CDH13: variants seen among roughly 807,000 people sequenced by gnomAD.
CDH13 encodes the protein cadherin-13.
CDH13 carries 24 observed loss-of-function variants against 63.8 expected under a neutral mutation model. That is an observed-to-expected ratio of 0.38 (90% CI 0.27 to 0.53). The LOEUF (loss-of-function observed/expected upper bound fraction) is 0.53, where lower values mean the gene tolerates loss of function less well. CDH13 is among the 20% of genes least tolerant of loss of function. CDH13 has a pLI of 0.85. For missense variants in CDH13, 1,049 were observed against 903.1 expected, an observed-to-expected ratio of 1.16 and a Z score of -2.07; for synonymous variants, 503 against 355.3, an observed-to-expected ratio of 1.42 and a Z score of -4.67.
intron 3 of CDH13, among the ~76,000 whole-genome samples, chr16:83,044,746 C>T (rs1917623516): frequency 6.6e-6 from 1 of 152,128 alleles, no homozygotes; most frequent in Non-Finnish European, 1.5e-5. Context: ...GGTCTTAGGT[C>T]GCGGTCGTGG....
chr16:83,575,915 A>G (rs938253764), intron 7 of CDH13, among the ~76,000 whole-genome samples: 1 of 152,184 alleles, frequency 6.6e-6, no homozygotes, highest in East Asian at 1.9e-4. Context: ...TCTTTATTGT[A>G]TTTTTTTAAT....
intron 2 of CDH13, among the ~76,000 whole-genome samples, chr16:82,881,989 A>G (rs2040719577): frequency 6.6e-6 from 1 of 152,166 alleles, no homozygotes; most frequent in Non-Finnish European, 1.5e-5. Context: ...CAAGTTCCCC[A>G]TTATTAACTT....
chr16:83,233,255 T>C (rs757428295), intron 5 of CDH13, among the ~76,000 whole-genome samples: 13 of 152,246 alleles, frequency 8.5e-5, no homozygotes, highest in Non-Finnish European at 1.6e-4. Context: ...GAGTCTGTTT[T>C]GCCCACAGGC....
In CDH13 at chr16:83,715,813, C is replaced by G. The variant is rs117608748; in HGVS notation, c.1539-32295C>G. ...CGGGGATGGTCAACCTTGACAACAG[C>G]GTGTGACAAGGGTGGAGTCATAGCA... is the stretch of plus-strand genomic sequence containing the variant. On this transcript the variant is annotated intron_variant, in intron 10 of 13. Transcript: ENST00000567109. Among the ~76,000 whole-genome samples the G allele has an allele frequency of 5.5e-3, 843 of 152,118 alleles. 7 individuals carry two copies. Among genetic ancestry groups the G allele is most frequent in the East Asian group, 0.045 (230 of 5,156 alleles).
At chr16:82,695,162 C>G (rs1179350054) in intron 1 of CDH13, among the ~76,000 whole-genome samples, 2 of 151,950 alleles carry the variant, frequency 1.3e-5, no homozygotes, top group Non-Finnish European at 2.9e-5. Flanking sequence ...GAGTCCAGAC[C>G]CTGGGGGCCT....
chr16:83,273,284 T>C (rs1232138048), intron 5 of CDH13, among the ~76,000 whole-genome samples: 1 of 152,148 alleles, frequency 6.6e-6, no homozygotes, highest in African/African-American at 2.4e-5. Context: ...GTCATCCACG[T>C]ACTAAGCATA....
At chr16:82,735,494 T>C (rs2033627412) in intron 1 of CDH13, among the ~76,000 whole-genome samples, 1 of 152,232 alleles carries the variant, frequency 6.6e-6, no homozygotes, top group Non-Finnish European at 1.5e-5. Context: ...GGATTTGAGA[T>C]TCTGCTAAAG....
intron 2 of CDH13, among the ~76,000 whole-genome samples, chr16:82,987,181 A>G (rs1457004007): frequency 3.3e-5 from 5 of 152,200 alleles, no homozygotes; most frequent in East Asian, 1.9e-4. Context: ...GTGGTCTTCA[A>G]TATTCTCATG....
At chr16:83,238,481 C>G (rs1472199388) in intron 5 of CDH13, among the ~76,000 whole-genome samples, 2 of 152,194 alleles carry the variant, frequency 1.3e-5, no homozygotes, top group Non-Finnish European at 2.9e-5. Flanking sequence ...GATTGTGGAG[C>G]TACAATTCAA....
chr16:82,778,237 A>G (rs1469764971), intron 1 of CDH13, among the ~76,000 whole-genome samples: 1 of 152,156 alleles, frequency 6.6e-6, no homozygotes, highest in Non-Finnish European at 1.5e-5. Flanking sequence ...ATATTCATGC[A>G]TGCTCTGGTA....
chr16:83,633,014 A>G (rs1910920123), intron 8 of CDH13, among the ~76,000 whole-genome samples: 1 of 152,078 alleles, frequency 6.6e-6, no homozygotes, highest in Admixed American at 6.6e-5. Flanking sequence ...TGACATGCTA[A>G]TGTATTATAA....
intron 7 of CDH13, among the ~76,000 whole-genome samples, chr16:83,518,561 C>T (rs1329824873): frequency 1.3e-5 from 2 of 151,562 alleles, no homozygotes; most frequent in Admixed American, 1.3e-4. Context: ...CAAGCTCCGC[C>T]TCCCGGGTTC....
intron 8 of CDH13, among the ~76,000 whole-genome samples, chr16:83,621,484 T>TTC: frequency 8.6e-6 from 1 of 116,604 alleles, no homozygotes; most frequent in African/African-American, 3.2e-5. Flanking sequence ...CCTTTTTTTT[T>TTC]TTTTTTTTTT....
chr16:83,220,692 C>T (rs867487358), intron 5 of CDH13, among the ~76,000 whole-genome samples: 4 of 149,972 alleles, frequency 2.7e-5, no homozygotes, highest in African/African-American at 9.8e-5. Context: ...AAGGAGAGAG[C>T]CTGCAGGTGA....
intron 8 of CDH13, among the ~76,000 whole-genome samples, chr16:83,656,084 C>T (rs1388149230): frequency 2.6e-5 from 4 of 152,180 alleles, no homozygotes; most frequent in African/African-American, 7.2e-5. Context: ...TGGTCATTCT[C>T]CATTCCCACC....
chr16:83,011,327 A>T (rs72794172), intron 2 of CDH13, among the ~76,000 whole-genome samples: 24,879 of 152,192 alleles, frequency 0.16, 2,323 homozygotes, highest in East Asian at 0.26. Context: ...GTCTTAGCAC[A>T]CTGTTCAGCT....
At chr16:82,784,982 G>A (rs1293942121) in intron 1 of CDH13, among the ~76,000 whole-genome samples, 1 of 152,120 alleles carries the variant, frequency 6.6e-6, no homozygotes, top group Admixed American at 6.5e-5. Flanking sequence ...CATCTTCCTG[G>A]ACTCAGACAG....
At chr16:83,794,794 G>T (rs549600391) in intron 13 of CDH13, among the ~76,000 whole-genome samples, 391 of 152,068 alleles carry the variant, frequency 2.6e-3, no homozygotes, top group Admixed American at 4.0e-3. Flanking sequence ...AGCGATGTTT[G>T]GCATCTGAAG....
chr16:83,366,999 A>G (rs1055148595), intron 6 of CDH13, among the ~76,000 whole-genome samples: 1 of 152,124 alleles, frequency 6.6e-6, no homozygotes, highest in Non-Finnish European at 1.5e-5. Flanking sequence ...TGATTCACCC[A>G]TTTAAAGTAT....
Sources: allele counts gnomAD v4.1 joint callset (sites outside exome capture counted in the v4.1 genomes callset), GRCh38; gene constraint gnomAD v4.1.1; transcripts MANE v1.5; gene names NCBI Gene and HGNC (gene_info 2026-07-23, HGNC 2026-07-21).